The following MYH14 variants were observed in gnomAD, a reference collection of about 807,000 sequenced individuals.
The protein encoded by MYH14 is myosin-14.
MYH14 carries 123 observed loss-of-function variants against 255.5 expected under a neutral mutation model. The observed-to-expected ratio is 0.48, with a 90% CI of 0.42 to 0.56. MYH14 has a LOEUF of 0.56. Among genes scored for constraint, MYH14 ranks in the 20% least tolerant of loss-of-function variants. The probability of loss-of-function intolerance (pLI) is 0.00; values close to 1 mark genes in which losing one functional copy is unlikely to be tolerated. For synonymous variants in MYH14, 1,095 were observed against 1,161.2 expected (o/e 0.94, Z 1.16); for missense variants, 2,423 against 2,802.3 (o/e 0.86, Z 3.06).
intron 13 of MYH14, 124 bp downstream of exon 13, chr19:50,249,263 C>A: frequency 8.6e-7 from 1 of 1,165,940 alleles, no homozygotes; most frequent in Non-Finnish European, 1.2e-6. Context: ...AGTCTCTGTT[C>A]CCCCCTCTCT....
chr19:50,224,043 C>A, intron 5 of MYH14, 111 bp from the exon 6 acceptor site: 3 of 743,046 alleles, frequency 4.0e-6, no homozygotes, highest in Admixed American at 4.0e-5. Flanking sequence ...CCCCAGTCCC[C>A]CTTCCCCCAC....
At chr19:50,297,656 C>A (rs1417075844) in intron 39 of MYH14, among the ~76,000 whole-genome samples, 1 of 145,536 alleles carries the variant, frequency 6.9e-6, no homozygotes, top group East Asian at 1.9e-4. Flanking sequence ...ACCACCACAT[C>A]TGGCTAATTT....
intron 12 of MYH14, among the ~76,000 whole-genome samples, chr19:50,247,497 C>CT (rs2034177100): frequency 6.6e-6 from 1 of 151,740 alleles, no homozygotes; most frequent in Admixed American, 6.6e-5. Context: ...GACTGAGACT[C>CT]TGTCTCTAAA....
At chr19:50,253,271 T>C (rs1007457153) in intron 16 of MYH14, among the ~76,000 whole-genome samples, 6 of 151,986 alleles carry the variant, frequency 3.9e-5, no homozygotes, top group African/African-American at 1.4e-4. Context: ...GGTGAAACCC[T>C]GTCTCTACTA....
In MYH14 at chr19:50,250,481, T is replaced by TCTGACTTA. The variant is rs1404672980; in HGVS notation, c.1657-31_1657-24dup. 1 of 1,597,504 alleles carries TCTGACTTA rather than the reference T, an allele frequency of 6.3e-7. No homozygotes were observed. The highest frequency in any genetic ancestry group is 8.5e-7 in the Non-Finnish European group (1 of 1,170,314). ...CACCTGAGTGTCCAATATGTGGGGA[T>TCTGACTTA]CTGACTTACTCTCCCCCTGCTGTCA... On this transcript the variant is annotated intron_variant, in intron 14 of 42. Transcript: ENST00000642316. This position sits in a 1 kb window ranked among gnomAD's most constrained non-coding sequence, Gnocchi z 5.4.
Position 50,261,542 on chromosome 19 carries a change from G to A in MYH14, c.2492G>A (p.Gly831Glu). The part of the protein sequence containing the change: ...VGQSKIFFRA[G>E]VLAQLEEERD... Reference sequence around the variant, plus strand: ...CAGAGCAAGATCTTCTTCCGGGCTGGGGTCCTGGCCCAGCTGGAAGAGGAG... The same window carrying A: ...CAGAGCAAGATCTTCTTCCGGGCTGAGGTCCTGGCCCAGCTGGAAGAGGAG... The change falls in exon 21 of 43, where the codon GGG (glycine) becomes GAG (glutamate). Residue 831 changes from glycine (G) to glutamate (E), a missense_variant. Coordinates refer to ENST00000642316, the MANE Select transcript of MYH14 (RefSeq NM_001145809.2). The A allele has an allele frequency of 6.3e-7, 1 of 1,596,512 alleles. No homozygotes were observed. The highest frequency in any genetic ancestry group is 2.3e-5 in the East Asian group (1 of 43,604).
chr19:50,216,819 T>C (rs2032502776), intron 2 of MYH14, among the ~76,000 whole-genome samples: 1 of 122,728 alleles, frequency 8.1e-6, no homozygotes, highest in African/African-American at 2.8e-5. Context: ...TTTTTTTTTT[T>C]TTTTTTGAGA....
chr19:50,205,302 G>C (rs1390903308), intron 1 of MYH14, among the ~76,000 whole-genome samples: 1 of 152,122 alleles, frequency 6.6e-6, no homozygotes, highest in South Asian at 2.1e-4. Context: ...GGAGCCCCTG[G>C]CGCCGCCGCC....
At chr19:50,245,401 C>T (rs573567000) in intron 11 of MYH14, among the ~76,000 whole-genome samples, 117 of 134,266 alleles carry the variant, frequency 8.7e-4, no homozygotes, top group African/African-American at 3.2e-3. Context: ...GCCTGGGCAA[C>T]GGAGCAAGAA....
chr19:50,260,261 A>G (rs1351252142), intron 19 of MYH14, among the ~76,000 whole-genome samples: 1 of 152,074 alleles, frequency 6.6e-6, no homozygotes, highest in Non-Finnish European at 1.5e-5. Flanking sequence ...CCCCATCTCT[A>G]CTAAAAATAC....
At chr19:50,246,631 C>CAA (rs1337152336) in intron 11 of MYH14, among the ~76,000 whole-genome samples, 1 of 51,156 alleles carries the variant, frequency 2.0e-5, no homozygotes, top group Non-Finnish European at 5.0e-5. Flanking sequence ...TCAAACAAAA[C>CAA]AAAACAAAAC....
At position 50,244,293 on chromosome 19, in the gene MYH14, A is replaced by G; in HGVS notation, c.1166A>G (p.Lys389Arg). 10 of 1,613,814 alleles carry G rather than the reference A, an allele frequency of 6.2e-6. No homozygotes were observed. The highest frequency in any genetic ancestry group is 8.5e-6 in the Non-Finnish European group (10 of 1,179,860). The stretch of plus-strand genomic sequence containing the variant: ...CTCCAGTTTGGCAACATTGCCTTGA[A>G]GAGAGAACGGAACACCGATCAAGCC... ...AVLQFGNIALKRERNTDQATM... is the reference protein window; with the variant it reads ...AVLQFGNIALRRERNTDQATM... Residue 389 changes from lysine to arginine, a missense_variant, in exon 11 of 43, where the codon AAG (lysine) becomes AGG (arginine). Physicochemically the swap from Lys to Arg is conservative, Grantham distance 26. Transcript: ENST00000642316.
rs1348107775 is a variant in MYH14, at chr19:50,250,535, G to A, written c.1677G>A (p.Leu559=). ...GCCAGGCCAACCCCCCTGGACTCCT[G>A]GCCCTGCTGGATGAGGAGTGCTGGT... ...IERPANPPGL[L]ALLDEECWFP... is the part of the protein sequence containing the mutation. Residue 559 remains leucine (L), a synonymous_variant, in exon 15 of 43, where the codon CTG becomes CTA. Coordinates refer to ENST00000642316, the MANE Select transcript of MYH14 (RefSeq NM_001145809.2). The surrounding 1 kb of genome is among the most constrained non-coding windows in gnomAD (Gnocchi z 5.4). The A allele has an allele frequency of 6.2e-7, 1 of 1,613,458 alleles. No individual in the cohort carries two copies. Among genetic ancestry groups the A allele is most frequent in the South Asian group, 1.1e-5 (1 of 90,886 alleles).
At chr19:50,299,923 T>C (rs1343295849) in intron 39 of MYH14, among the ~76,000 whole-genome samples, 1 of 151,962 alleles carries the variant, frequency 6.6e-6, no homozygotes, top group African/African-American at 2.4e-5. Flanking sequence ...CCAGCCTGGG[T>C]GACAGAGTGA....
rs1167509369 is a variant in MYH14, at chr19:50,257,301, G to A, written c.2047G>A (p.Glu683Lys). The part of the protein sequence containing the change: ...CSSAISPPGV[E>K]GIVGLEQVSS... ...CTCTCTGCATCTCCATCTGACAGTGGAGGGCATCGTGGGGCTGGAACAGGT... is the reference window on the plus strand; with the variant it reads ...CTCTCTGCATCTCCATCTGACAGTGAAGGGCATCGTGGGGCTGGAACAGGT... The change falls in exon 18 of 43, where the codon GAG (glutamate) becomes AAG (lysine). Residue 683 changes from glutamate to lysine, a missense_variant and splice_region_variant. Coordinates refer to ENST00000642316, the MANE Select transcript of MYH14 (RefSeq NM_001145809.2). The A allele has an allele frequency of 6.3e-7, 1 of 1,599,646 alleles. No homozygotes were observed. Among genetic ancestry groups the A allele is most frequent in the Non-Finnish European group, 8.5e-7 (1 of 1,170,968 alleles).
chr19:50,242,098 G>A (rs1172270745), intron 10 of MYH14, among the ~76,000 whole-genome samples: 1 of 152,208 alleles, frequency 6.6e-6, no homozygotes, highest in Non-Finnish European at 1.5e-5. Flanking sequence ...AGCCATGTGG[G>A]CTGTAGAAAC....
At chr19:50,206,720 G>T (rs2031777122) in intron 1 of MYH14, among the ~76,000 whole-genome samples, 1 of 152,086 alleles carries the variant, frequency 6.6e-6, no homozygotes, top group South Asian at 2.1e-4. Context: ...GGAGTCTGTT[G>T]GGACCAGATC....
At chr19:50,224,942 T>A (rs2033021194) in intron 6 of MYH14, 2 of 415,040 alleles carry the variant, frequency 4.8e-6, no homozygotes, top group South Asian at 3.4e-5. Context: ...CCATCTCTAC[T>A]AAAAATTTTA....
intron 1 of MYH14, among the ~76,000 whole-genome samples, chr19:50,203,986 A>G (rs2031594860): frequency 6.6e-6 from 1 of 151,880 alleles, no homozygotes; most frequent in Non-Finnish European, 1.5e-5. Context: ...CCGCTTTAAT[A>G]CCTGAGTCAT....
Sources: allele counts gnomAD v4.1 joint callset (sites outside exome capture counted in the v4.1 genomes callset), GRCh38; gene constraint gnomAD v4.1.1; non-coding constraint Gnocchi (gnomAD v3.1); transcripts MANE v1.5; gene names NCBI Gene and HGNC (gene_info 2026-07-23, HGNC 2026-07-21).